PALS1: variants seen among roughly 807,000 people sequenced by gnomAD.
PALS1 encodes the protein protein PALS1.
Under a neutral mutation model 78.9 loss-of-function variants are expected in PALS1, and 31 were observed. That is an observed-to-expected ratio of 0.39 (90% CI 0.30 to 0.53). The LOEUF (loss-of-function observed/expected upper bound fraction) is 0.53, where lower values mean the gene tolerates loss of function less well. PALS1 is among the 20% of genes least tolerant of loss of function. The probability of loss-of-function intolerance (pLI) is 0.67; values close to 1 mark genes in which losing one functional copy is unlikely to be tolerated. For synonymous variants in PALS1, 276 were observed against 270.9 expected (o/e 1.02, Z -0.18); for missense variants, 704 against 826.5 (o/e 0.85, Z 1.82).
chr14:67,332,810 A>T lies in PALS1; in HGVS notation c.1882A>T (p.Thr628Ser). Residue 628 changes from threonine to serine, a missense_variant, in exon 15 of 15, where the codon ACA becomes TCA. Thr to Ser is a moderately conservative substitution (Grantham distance 58). Transcript: ENST00000261681. ...PEELREIIEK[T>S]REMEQNNGHY... ...AGAGTTGAGAGAAATCATTGAGAAG[A>T]CAAGAGAGATGGAGCAGAACAATGG... is the stretch of plus-strand genomic sequence containing the variant. The T allele has an allele frequency of 1.2e-6, 2 of 1,613,412 alleles. No homozygotes were observed. The highest frequency in any genetic ancestry group is 1.7e-6 in the Non-Finnish European group (2 of 1,179,450).
chr14:67,266,376 A>G (rs948563185), intron 1 of PALS1, among the ~76,000 whole-genome samples: 3 of 152,142 alleles, frequency 2.0e-5, no homozygotes, highest in Non-Finnish European at 4.4e-5. Flanking sequence ...CCCAGTCTGA[A>G]GTGCAGTGGC....
intron 9 of PALS1, among the ~76,000 whole-genome samples, chr14:67,316,201 G>T (rs1285282372): frequency 6.6e-6 from 1 of 152,098 alleles, no homozygotes; most frequent in African/African-American, 2.4e-5. Flanking sequence ...GTAGAAGTCG[G>T]AAAAGAAAAC....
At chr14:67,265,368 G>A (rs1440870715) in intron 1 of PALS1, among the ~76,000 whole-genome samples, 1 of 152,068 alleles carries the variant, frequency 6.6e-6, no homozygotes, top group Non-Finnish European at 1.5e-5. Flanking sequence ...ACCAGACTGG[G>A]CAACATACTG....
intron 1 of PALS1, among the ~76,000 whole-genome samples, chr14:67,267,314 A>C (rs1450013674): frequency 6.6e-6 from 1 of 151,950 alleles, no homozygotes; most frequent in East Asian, 1.9e-4. Flanking sequence ...GCTGGAGTGC[A>C]ATGGTGCAAT....
intron 14 of PALS1, among the ~76,000 whole-genome samples, chr14:67,325,193 C>CTG (rs1470777275): frequency 1.3e-5 from 2 of 152,200 alleles, no homozygotes; most frequent in African/African-American, 2.4e-5. Flanking sequence ...GCGTGAGCCA[C>CTG]CAGGCCCAGC....
At chr14:67,258,775 T>G (rs2084184738) in intron 1 of PALS1, among the ~76,000 whole-genome samples, 1 of 152,092 alleles carries the variant, frequency 6.6e-6, no homozygotes, top group Admixed American at 6.5e-5. Flanking sequence ...TAGTTCTTAA[T>G]AAGTTATTTT....
intron 3 of PALS1, among the ~76,000 whole-genome samples, chr14:67,287,302 CTTAGTT>C (rs2084704751): frequency 7.0e-6 from 1 of 143,508 alleles, no homozygotes; most frequent in Admixed American, 7.1e-5. Flanking sequence ...TTTACATTTC[CTTAGTT>C]TTTTTTTTCC....
chr14:67,255,362 A>C (rs1386777128), intron 1 of PALS1, among the ~76,000 whole-genome samples: 1 of 152,218 alleles, frequency 6.6e-6, no homozygotes, highest in Non-Finnish European at 1.5e-5. Context: ...AAATGTAATC[A>C]GAATCATGAA....
intron 8 of PALS1, among the ~76,000 whole-genome samples, chr14:67,311,029 A>AG (rs1555338964): frequency 6.6e-6 from 1 of 152,128 alleles, no homozygotes; most frequent in Non-Finnish European, 1.5e-5. Context: ...CTTAAAGCTA[A>AG]GGCCAGGCGT....
At chr14:67,292,445 C>G in intron 3 of PALS1, 66 bp from the exon 4 acceptor site, 1 of 1,092,570 alleles carries the variant, frequency 9.2e-7, no homozygotes. Context: ...GAAATGTTCT[C>G]TGAAAATGCA....
At chr14:67,267,991 AGT>A (rs1260046107) in intron 1 of PALS1, among the ~76,000 whole-genome samples, 1 of 152,146 alleles carries the variant, frequency 6.6e-6, no homozygotes, top group Admixed American at 6.5e-5. Context: ...GCTGAAGGAT[AGT>A]GTGTGGTTTT....
chr14:67,307,752 A>G (rs2085025534), intron 8 of PALS1, among the ~76,000 whole-genome samples: 1 of 152,244 alleles, frequency 6.6e-6, no homozygotes, highest in Admixed American at 6.5e-5. Context: ...AGAGTTAAAG[A>G]TAAATCTGCG....
chr14:67,247,367 C>T (rs751705705), intron 1 of PALS1, among the ~76,000 whole-genome samples: 3 of 152,116 alleles, frequency 2.0e-5, no homozygotes, highest in Non-Finnish European at 4.4e-5. Flanking sequence ...ACTTTGTATC[C>T]TGACTTTCTG....
intron 3 of PALS1, among the ~76,000 whole-genome samples, chr14:67,286,942 G>A (rs909153828): frequency 2.0e-4 from 30 of 151,776 alleles, no homozygotes; most frequent in African/African-American, 6.5e-4. Context: ...TTATGGCTGC[G>A]CGTGGTGGCT....
At chr14:67,281,123 T>G (rs2084604208) in intron 3 of PALS1, among the ~76,000 whole-genome samples, 1 of 151,922 alleles carries the variant, frequency 6.6e-6, no homozygotes, top group South Asian at 2.1e-4. Flanking sequence ...GGTCTTCAAC[T>G]CCTGACCTCA....
intron 3 of PALS1, among the ~76,000 whole-genome samples, chr14:67,291,877 A>G (rs1384604188): frequency 6.6e-6 from 1 of 152,228 alleles, no homozygotes; most frequent in Non-Finnish European, 1.5e-5. Flanking sequence ...CTCCCTAGAA[A>G]AGCTGTTTGA....
At chr14:67,261,322 T>C (rs1431457095) in intron 1 of PALS1, among the ~76,000 whole-genome samples, 1 of 152,016 alleles carries the variant, frequency 6.6e-6, no homozygotes. Flanking sequence ...GAAAAACCCA[T>C]GCAAGAGATA....
At chr14:67,322,554 A>G (rs1254862508) in intron 13 of PALS1, among the ~76,000 whole-genome samples, 1 of 152,158 alleles carries the variant, frequency 6.6e-6, no homozygotes, top group South Asian at 2.1e-4. Flanking sequence ...TGACTCTAAA[A>G]TGGCTATTCT....
chr14:67,245,471 A>T (rs556498487), intron 1 of PALS1, among the ~76,000 whole-genome samples: 20 of 152,132 alleles, frequency 1.3e-4, no homozygotes, highest in African/African-American at 3.6e-4. Flanking sequence ...GCCCATTTTT[A>T]AATTGGATTA....
Sources: allele counts gnomAD v4.1 joint callset (sites outside exome capture counted in the v4.1 genomes callset), GRCh38; gene constraint gnomAD v4.1.1; transcripts MANE v1.5; gene names NCBI Gene and HGNC (gene_info 2026-07-23, HGNC 2026-07-21).